ASIC2: variants seen among roughly 807,000 people sequenced by gnomAD.
ASIC2 encodes acid sensing ion channel subunit 2.
Under a neutral mutation model 57.3 loss-of-function variants are expected in ASIC2, and 25 were observed. The ratio of observed to expected loss-of-function variants is 0.44; its 90% confidence interval spans 0.32 to 0.61. The LOEUF (loss-of-function observed/expected upper bound fraction) is 0.61, where lower values mean the gene tolerates loss of function less well. ASIC2 is among the 20% of genes least tolerant of loss of function. The pLI, the probability that ASIC2 is intolerant of heterozygous loss-of-function variation, is 0.06. For synonymous variants in ASIC2, 319 were observed against 307.5 expected, an observed-to-expected ratio of 1.04 and a Z score of -0.39; for missense variants, 641 against 738.1, an observed-to-expected ratio of 0.87 and a Z score of 1.52.
intron 1 of ASIC2, chr17:34,039,999 C>T: frequency 1.6e-6 from 1 of 625,004 alleles, no homozygotes; most frequent in Non-Finnish European, 2.4e-6. Flanking sequence ...CTCTCCTGAG[C>T]GCCGCAACCC....
intron 1 of ASIC2, among the ~76,000 whole-genome samples, chr17:34,102,467 T>C (rs1324657137): frequency 6.6e-6 from 1 of 152,170 alleles, no homozygotes; most frequent in Non-Finnish European, 1.5e-5. Context: ...GAAACTCCTC[T>C]TCCCCTCCTG....
intron 1 of ASIC2, among the ~76,000 whole-genome samples, chr17:33,464,508 C>CTCTT (rs1912764103): frequency 2.5e-5 from 1 of 40,114 alleles, no homozygotes; most frequent in African/African-American, 1.1e-4. Context: ...TTCTTTCTTT[C>CTCTT]TTTCTTTCTT....
chr17:33,187,043 A>G (rs1162243178), intron 1 of ASIC2, among the ~76,000 whole-genome samples: 1 of 152,190 alleles, frequency 6.6e-6, no homozygotes, highest in Non-Finnish European at 1.5e-5. Context: ...CCACCAAAAA[A>G]GGTCACGGTC....
At position 33,123,927 on chromosome 17, in the gene ASIC2, A is replaced by G. The variant is rs138506962; in HGVS notation, c.709-11860T>C. Among the ~76,000 whole-genome samples, 1,263 of 152,330 alleles carry G rather than the reference A, an allele frequency of 8.3e-3. 9 individuals are homozygous for G. The highest frequency in any genetic ancestry group is 0.03 in the South Asian group (145 of 4,826). ...TTGTGTTCCTGGTTAATTTTGCGTTATTCTACAGGGCTGCATTGAAAGCGA... is the reference window on the plus strand; with the variant it reads ...TTGTGTTCCTGGTTAATTTTGCGTTGTTCTACAGGGCTGCATTGAAAGCGA... On this transcript the variant is annotated intron_variant, in intron 1 of 9. Coordinates refer to ENST00000225823, the MANE Select transcript of ASIC2 (RefSeq NM_183377.2).
chr17:33,108,141 C>T (rs375817210), intron 2 of ASIC2, among the ~76,000 whole-genome samples: 1 of 152,302 alleles, frequency 6.6e-6, no homozygotes, highest in South Asian at 2.1e-4. Flanking sequence ...AACAGAGGCT[C>T]ACTCACTTGG....
At chr17:33,471,924 A>G (rs898150321) in intron 1 of ASIC2, among the ~76,000 whole-genome samples, 2 of 152,126 alleles carry the variant, frequency 1.3e-5, no homozygotes, top group African/African-American at 2.4e-5. Context: ...TCCTCATTTG[A>G]CAAATGAGGA....
At chr17:33,885,199 T>C (rs167596) in intron 1 of ASIC2, among the ~76,000 whole-genome samples, 135,768 of 152,226 alleles carry the variant, frequency 0.89, 60,774 homozygotes, top group African/African-American at 0.97. Flanking sequence ...GTCCTGTGTA[T>C]GTAAATAAAT....
intron 1 of ASIC2, among the ~76,000 whole-genome samples, chr17:33,567,880 C>T (rs933452079): frequency 1.3e-5 from 2 of 152,066 alleles, no homozygotes; most frequent in African/African-American, 4.8e-5. Context: ...CTCTCTCCCC[C>T]ACTCTACATA....
chr17:33,578,701 C>T (rs146518591), intron 1 of ASIC2, among the ~76,000 whole-genome samples: 101 of 152,310 alleles, frequency 6.6e-4, no homozygotes, highest in African/African-American at 2.4e-3. Context: ...ACCAACTCTA[C>T]AACTGACCCG....
chr17:33,387,592 C>T (rs866036709), intron 1 of ASIC2, among the ~76,000 whole-genome samples: 3 of 152,166 alleles, frequency 2.0e-5, no homozygotes, highest in East Asian at 1.9e-4. Flanking sequence ...TCCGCTGCCC[C>T]GAAACAAATC....
chr17:33,773,429 T>C (rs1911175665), intron 1 of ASIC2, among the ~76,000 whole-genome samples: 1 of 152,166 alleles, frequency 6.6e-6, no homozygotes, highest in African/African-American at 2.4e-5. Flanking sequence ...TTTGGCCAAG[T>C]TGCAGATCCA....
At chr17:34,130,958 G>A (rs1443503194) in intron 1 of ASIC2, among the ~76,000 whole-genome samples, 2 of 152,160 alleles carry the variant, frequency 1.3e-5, no homozygotes, top group African/African-American at 4.8e-5. Context: ...CAGCGAGTAG[G>A]GAGAGATCGA....
chr17:33,091,484 T>C (rs1213193237), intron 2 of ASIC2, among the ~76,000 whole-genome samples: 1 of 152,090 alleles, frequency 6.6e-6, no homozygotes, highest in South Asian at 2.1e-4. Flanking sequence ...GCTTAAGAAA[T>C]CTTACAGCCA....
At chr17:33,978,848 G>A (rs971967369) in intron 1 of ASIC2, among the ~76,000 whole-genome samples, 2 of 152,154 alleles carry the variant, frequency 1.3e-5, no homozygotes, top group Admixed American at 1.3e-4. Context: ...GAGGGAGAGC[G>A]AGGAGGGCTT....
chr17:34,109,878 CTCTT>C (rs777361376), intron 1 of ASIC2, among the ~76,000 whole-genome samples: 16 of 152,044 alleles, frequency 1.1e-4, no homozygotes, highest in African/African-American at 1.5e-4. Context: ...GTTTTTCTCT[CTCTT>C]TATCTATCTA....
chr17:33,196,226 T>A (rs1906621290), intron 1 of ASIC2, among the ~76,000 whole-genome samples: 1 of 152,164 alleles, frequency 6.6e-6, no homozygotes, highest in African/African-American at 2.4e-5. Context: ...GGAGGTCACA[T>A]AGCTATTAAA....
intron 1 of ASIC2, among the ~76,000 whole-genome samples, chr17:33,894,704 G>C (rs781358948): frequency 2.0e-5 from 3 of 152,144 alleles, no homozygotes; most frequent in African/African-American, 7.2e-5. Context: ...GCAAGTGAAC[G>C]TGTGAGAGAA....
chr17:33,087,226 C>G (rs1407577479), intron 3 of ASIC2, among the ~76,000 whole-genome samples: 1 of 152,200 alleles, frequency 6.6e-6, no homozygotes, highest in East Asian at 1.9e-4. Context: ...AAATCCTTAG[C>G]CTTGAACTTT....
At chr17:33,020,919 A>G (rs1277203944) in intron 7 of ASIC2, among the ~76,000 whole-genome samples, 1 of 152,072 alleles carries the variant, frequency 6.6e-6, no homozygotes, top group Non-Finnish European at 1.5e-5. Flanking sequence ...GAATTCCAAG[A>G]GTGCAGGGTT....
Sources: gnomAD v4.1 joint callset for allele counts (sites outside exome capture counted in the v4.1 genomes callset) on GRCh38, gnomAD v4.1.1 for gene constraint, MANE v1.5 for transcripts, NCBI Gene and HGNC (gene_info 2026-07-23, HGNC 2026-07-21) for gene names.